Variants in KCNQ5 observed in about 807,000 individuals in gnomAD.
The protein encoded by KCNQ5 is potassium voltage-gated channel subfamily Q member 5.
In KCNQ5, 30 loss-of-function variants were observed where a neutral mutation model predicts 98.2. The observed-to-expected ratio is 0.31, with a 90% confidence interval of 0.23 to 0.41. The LOEUF is 0.41. Among genes scored for constraint, KCNQ5 ranks in the 10% least tolerant of loss-of-function variants. KCNQ5 has a pLI of 1.00. For missense variants in KCNQ5, 835 were observed against 1,182.5 expected (o/e 0.71, Z 4.31); for synonymous variants, 458 against 449.4 (o/e 1.02, Z -0.24).
intron 1 of KCNQ5, among the ~76,000 whole-genome samples, chr6:72,644,936 C>A (rs753404420): frequency 1.1e-4 from 16 of 152,058 alleles, no homozygotes; most frequent in Non-Finnish European, 2.2e-4. Context: ...CATAATTTTG[C>A]AAATTAGGAG....
At chr6:73,084,178 C>T (rs559784336) in intron 5 of KCNQ5, among the ~76,000 whole-genome samples, 1 of 152,246 alleles carries the variant, frequency 6.6e-6, no homozygotes, top group Non-Finnish European at 1.5e-5. Context: ...GCCATATGCA[C>T]ATATAGAACT....
intron 6 of KCNQ5, among the ~76,000 whole-genome samples, chr6:73,108,445 C>T (rs1775091198): frequency 6.6e-6 from 1 of 152,152 alleles, no homozygotes; most frequent in Admixed American, 6.5e-5. Flanking sequence ...TTAACCATTC[C>T]ATTAAAAATA....
In KCNQ5 at chr6:73,170,420, C is replaced by CCACA. The variant is rs57867720; in HGVS notation, c.1577+604_1577+607dup. Among the ~76,000 whole-genome samples the CCACA allele has an allele frequency of 1.9e-3, 262 of 140,930 alleles. 1 individual carries two copies. Among genetic ancestry groups the CCACA allele is most frequent in the South Asian group, 4.0e-3 (17 of 4,246 alleles). 92.5% of individuals were successfully genotyped at this position (140,930 alleles called of 152,430 possible). On this transcript the variant is annotated intron_variant, in intron 11 of 13. Coordinates refer to ENST00000370398, the MANE Select transcript of KCNQ5 (RefSeq NM_019842.4). ...TTTACCTTTTCCATGACCTTTCCCA[C>CCACA]CACACACACACACACACACACACAC... is the stretch of plus-strand genomic sequence containing the variant.
At chr6:72,635,566 T>C (rs1264970018) in intron 1 of KCNQ5, among the ~76,000 whole-genome samples, 1 of 151,992 alleles carries the variant, frequency 6.6e-6, no homozygotes, top group Admixed American at 6.5e-5. Context: ...TCAGCTTCCA[T>C]GCTTTTCTCT....
chr6:73,079,951 G>T (rs1773699667), intron 5 of KCNQ5, among the ~76,000 whole-genome samples: 1 of 152,204 alleles, frequency 6.6e-6, no homozygotes, highest in Non-Finnish European at 1.5e-5. Context: ...TAATTCTAAT[G>T]TATTTGACTT....
chr6:72,839,139 G>C (rs1320585799), intron 1 of KCNQ5, among the ~76,000 whole-genome samples: 1 of 145,884 alleles, frequency 6.9e-6, no homozygotes, highest in Non-Finnish European at 1.5e-5. Context: ...TAGGTTTTAG[G>C]TATTTTTCTG....
chr6:72,892,671 G>A (rs1779102558), intron 1 of KCNQ5, among the ~76,000 whole-genome samples: 1 of 150,938 alleles, frequency 6.6e-6, no homozygotes, highest in Admixed American at 6.6e-5. Context: ...TCCTGCTACA[G>A]CAATTTTTAT....
chr6:72,902,465 G>A (rs993606945), intron 1 of KCNQ5, among the ~76,000 whole-genome samples: 2 of 152,168 alleles, frequency 1.3e-5, no homozygotes, highest in African/African-American at 2.4e-5. Context: ...TCAGTATTAT[G>A]TTGGCTCTGG....
At position 72,658,578 on chromosome 6, in the gene KCNQ5, ATTTTTTT is replaced by A. The variant is rs1219877866; in HGVS notation, c.398+36005_398+36011del. Among the ~76,000 whole-genome samples, 9 of 76,378 alleles carry A rather than the reference ATTTTTTT, an allele frequency of 1.2e-4. No homozygotes were observed. In the Admixed American group the frequency reaches 1.3e-3, roughly 11 times the overall value. The allele number at this position is 76,378 out of a possible 152,430, so 50.1% of individuals were successfully genotyped here. ...TTAAAGGATATATATATATATATAT[ATTTTTTT>A]TTTTTTTTTTTTTGAGACAGGGTCT... On this transcript the variant is annotated intron_variant, in intron 1 of 13. Coordinates refer to ENST00000370398, the MANE Select transcript of KCNQ5 (RefSeq NM_019842.4).
intron 11 of KCNQ5, among the ~76,000 whole-genome samples, chr6:73,180,763 G>C (rs1482617049): frequency 3.9e-5 from 6 of 152,160 alleles, no homozygotes; most frequent in Non-Finnish European, 7.3e-5. Flanking sequence ...AAGCTCCCTA[G>C]GTGATTCCAA....
chr6:72,879,411 T>C (rs141549559), intron 1 of KCNQ5, among the ~76,000 whole-genome samples: 13 of 152,332 alleles, frequency 8.5e-5, no homozygotes, highest in Non-Finnish European at 1.5e-4. Flanking sequence ...ATTTCCTGTG[T>C]AGAATTTCTG....
chr6:72,999,149 G>A (rs1769447479), intron 1 of KCNQ5, among the ~76,000 whole-genome samples: 1 of 152,162 alleles, frequency 6.6e-6, no homozygotes, highest in Admixed American at 6.5e-5. Flanking sequence ...AGTTCTGGAA[G>A]CTAGACATTA....
intron 1 of KCNQ5, among the ~76,000 whole-genome samples, chr6:72,648,838 A>G (rs1410583953): frequency 9.9e-5 from 15 of 151,824 alleles, no homozygotes; most frequent in Non-Finnish European, 1.5e-5. Flanking sequence ...AAAAAAAAAG[A>G]AAAGCCTACG....
chr6:72,960,990 A>G (rs1259275087), intron 1 of KCNQ5, among the ~76,000 whole-genome samples: 1 of 152,184 alleles, frequency 6.6e-6, no homozygotes, highest in African/African-American at 2.4e-5. Flanking sequence ...ATGCAGTTAG[A>G]GCCAGGGATG....
At chr6:73,000,014 C>T (rs1176876218) in intron 1 of KCNQ5, among the ~76,000 whole-genome samples, 1 of 151,942 alleles carries the variant, frequency 6.6e-6, no homozygotes, top group East Asian at 1.9e-4. Flanking sequence ...CACACAGATC[C>T]CCTGGAGGAC....
chr6:72,966,904 G>A (rs1767646908), intron 1 of KCNQ5, among the ~76,000 whole-genome samples: 2 of 152,216 alleles, frequency 1.3e-5, no homozygotes, highest in Non-Finnish European at 2.9e-5. Context: ...ACACCTTGAA[G>A]ACCTGTTGTT....
At chr6:73,192,795 A>C (rs769005552) in intron 13 of KCNQ5, 104 bp downstream of exon 13, 5 of 1,044,960 alleles carry the variant, frequency 4.8e-6, no homozygotes, top group Non-Finnish European at 6.5e-6. Flanking sequence ...AAATAAATAA[A>C]ATCACAAAAA....
At chr6:73,055,051 C>G in intron 3 of KCNQ5, 1 of 606,530 alleles carries the variant, frequency 1.6e-6, no homozygotes, top group Non-Finnish European at 3.1e-6. Context: ...CAACAACATC[C>G]AAGCTGAGAG....
At chr6:72,951,278 T>G (rs1233094256) in intron 1 of KCNQ5, among the ~76,000 whole-genome samples, 3 of 151,980 alleles carry the variant, frequency 2.0e-5, no homozygotes, top group African/African-American at 7.3e-5. Context: ...TGTTTTTTGG[T>G]TTTTGCTTGT....
Sources: allele counts gnomAD v4.1 joint callset (sites outside exome capture counted in the v4.1 genomes callset), GRCh38; gene constraint gnomAD v4.1.1; transcripts MANE v1.5; gene names NCBI Gene and HGNC (gene_info 2026-07-23, HGNC 2026-07-21).